SCAPER: variants seen among roughly 807,000 people sequenced by gnomAD.
The protein encoded by SCAPER is S-phase cyclin A associated protein in the ER.
SCAPER carries 98 observed loss-of-function variants against 182.2 expected under a neutral mutation model. The ratio of observed to expected loss-of-function variants is 0.54; its 90% CI spans 0.46 to 0.64. SCAPER has a LOEUF of 0.64. Among genes scored for constraint, SCAPER ranks in the 30% least tolerant of loss-of-function variants. The probability of loss-of-function intolerance (pLI) is 0.00; values close to 1 mark genes in which losing one functional copy is unlikely to be tolerated. For synonymous variants in SCAPER, 605 were observed against 564.6 expected (o/e 1.07, Z -1.01); for missense variants, 1,432 against 1,690.0 (o/e 0.85, Z 2.68).
At chr15:76,896,275 T>C (rs1372155041) in intron 1 of SCAPER, among the ~76,000 whole-genome samples, 1 of 151,608 alleles carries the variant, frequency 6.6e-6, no homozygotes, top group Non-Finnish European at 1.5e-5. Context: ...GAGGCTGAGG[T>C]GGGAGGATCA....
chr15:76,750,890 G>C (rs2062047081), intron 15 of SCAPER, among the ~76,000 whole-genome samples: 1 of 151,724 alleles, frequency 6.6e-6, no homozygotes, highest in East Asian at 1.9e-4. Context: ...GTTCAAGCCA[G>C]AAAAATTAGG....
intron 17 of SCAPER, among the ~76,000 whole-genome samples, chr15:76,725,642 A>G (rs2060539906): frequency 6.6e-6 from 1 of 152,116 alleles, no homozygotes; most frequent in Non-Finnish European, 1.5e-5. Flanking sequence ...ATAAAAACAG[A>G]CATGTATATA....
intron 1 of SCAPER, chr15:76,904,729 C>T (rs1053289636): frequency 1.3e-5 from 2 of 152,286 alleles, no homozygotes; most frequent in Admixed American, 1.3e-4. Flanking sequence ...TTCGCCCCTC[C>T]AGGCCTCAGC....
At chr15:76,798,641 G>C (rs1032418630) in intron 7 of SCAPER, among the ~76,000 whole-genome samples, 18 of 152,100 alleles carry the variant, frequency 1.2e-4, no homozygotes, top group Non-Finnish European at 2.5e-4. Context: ...GCCAAAGACA[G>C]ACAATCTTGA....
At chr15:76,663,441 G>A (rs2056345139) in intron 21 of SCAPER, among the ~76,000 whole-genome samples, 1 of 152,046 alleles carries the variant, frequency 6.6e-6, no homozygotes, top group Non-Finnish European at 1.5e-5. Context: ...CTTTAAAGGA[G>A]CTTTATTTAT....
intron 27 of SCAPER, among the ~76,000 whole-genome samples, chr15:76,399,882 G>C (rs1014334350): frequency 5.9e-5 from 9 of 151,952 alleles, no homozygotes; most frequent in Non-Finnish European, 7.4e-5. Flanking sequence ...GCAAGCGCCT[G>C]TAATCCCAGC....
In SCAPER at chr15:76,702,987, G is replaced by T; in HGVS notation, c.2263C>A (p.Arg755=). The change falls in exon 19 of 32, where the codon CGA becomes AGA. Residue 755 remains arginine (R), a synonymous_variant. Transcript: ENST00000563290. ...TGTTCAATCTGTTCCATGTGCCTTCGAATACTTTCATCATGCTGTAGATGA... is the reference window on the plus strand; with the variant it reads ...TGTTCAATCTGTTCCATGTGCCTTCTAATACTTTCATCATGCTGTAGATGA... ...KIQLKHDESI[R]RHMEQIEQRK... is the part of the protein sequence containing the mutation. The T allele has an allele frequency of 6.4e-7, 1 of 1,574,562 alleles. No homozygotes were observed.
chr15:76,579,082 C>T lies in SCAPER; in HGVS notation c.2712-4798G>A, dbSNP rs560764877. 1.6e-4 allele frequency among the ~76,000 whole-genome samples: 23 copies of T among 140,708 alleles called. No individual in the cohort carries two copies. In the South Asian group the frequency reaches 2.1e-3, roughly 13 times the overall value. The allele number at this position is 140,708 out of a possible 152,430, so 92.3% of individuals were successfully genotyped here. A position where few individuals can be genotyped will look rare whatever the true frequency, so the allele number is the denominator to read the frequency against. ...GAGATCGAGACAATCCTGGCTAACA[C>T]GGTGAAACCCTGCCTTGACTAAAAA... On this transcript the variant is annotated intron_variant, in intron 22 of 31. Transcript: ENST00000563290.
At chr15:76,763,357 G>GA (rs1237157174) in intron 14 of SCAPER, among the ~76,000 whole-genome samples, 2 of 147,842 alleles carry the variant, frequency 1.4e-5, no homozygotes, top group Non-Finnish European at 3.0e-5. Context: ...GGGGGGTGGT[G>GA]GGGGGGCAGG....
intron 5 of SCAPER, among the ~76,000 whole-genome samples, chr15:76,818,507 G>C (rs1042592812): frequency 6.6e-6 from 1 of 152,126 alleles, no homozygotes; most frequent in Non-Finnish European, 1.5e-5. Flanking sequence ...GAGAGAATAA[G>C]ACAAGCCACA....
chr15:76,800,160 T>TTTTTTTTTTTTTTTTTTTTTTTTTGACGG, intron 7 of SCAPER, 88 bp downstream of exon 7: 1 of 721,190 alleles, frequency 1.4e-6, no homozygotes, highest in Non-Finnish European at 2.3e-6. Flanking sequence ...TGGATATTTT[T>TTTTTTTTTTTTTTTTTTTTTTTTTGACGG]ATAGTAGAAT....
intron 29 of SCAPER, among the ~76,000 whole-genome samples, chr15:76,358,937 G>C (rs2141704862): frequency 6.6e-6 from 1 of 152,300 alleles, no homozygotes; most frequent in African/African-American, 2.4e-5. Flanking sequence ...GCAGCCCTGG[G>C]CTCTAGGTCT....
intron 23 of SCAPER, among the ~76,000 whole-genome samples, chr15:76,535,143 T>G (rs1172541522): frequency 6.6e-6 from 1 of 152,050 alleles, no homozygotes; most frequent in Non-Finnish European, 1.5e-5. Flanking sequence ...GAATTTAACA[T>G]TTATGATTAC....
At chr15:76,492,919 GTA>G (rs2052468110) in intron 24 of SCAPER, among the ~76,000 whole-genome samples, 1 of 147,598 alleles carries the variant, frequency 6.8e-6, no homozygotes, top group Non-Finnish European at 1.5e-5. Flanking sequence ...TTGGATCAGA[GTA>G]TGAGTTGTGG....
chr15:76,738,934 A>G (rs2061415442), intron 15 of SCAPER, among the ~76,000 whole-genome samples: 1 of 152,194 alleles, frequency 6.6e-6, no homozygotes, highest in Non-Finnish European at 1.5e-5. Flanking sequence ...CAAACATTCA[A>G]TTTTTTAAAA....
chr15:76,678,938 T>C (rs1466637405), intron 20 of SCAPER, among the ~76,000 whole-genome samples: 2 of 152,166 alleles, frequency 1.3e-5, no homozygotes, highest in Non-Finnish European at 2.9e-5. Context: ...GCCAGAGTTT[T>C]ATTCAGACTA....
chr15:76,860,221 A>C (rs1466828327), intron 3 of SCAPER, among the ~76,000 whole-genome samples: 1 of 152,152 alleles, frequency 6.6e-6, no homozygotes, highest in African/African-American at 2.4e-5. Flanking sequence ...GGAAAATGAG[A>C]GAATACAATT....
chr15:76,666,732 A>G (rs1345756548), intron 20 of SCAPER, among the ~76,000 whole-genome samples: 1 of 152,144 alleles, frequency 6.6e-6, no homozygotes, highest in Non-Finnish European at 1.5e-5. Context: ...TCATCTCCTA[A>G]CCCCATCTCT....
rs71143320 is a variant in SCAPER at position 76,389,500 on chromosome 15, CAAAAAAAAAAA to C, written c.3468-7896_3468-7886del. 1.1e-4 allele frequency among the ~76,000 whole-genome samples: 3 copies of C among 28,058 alleles called. No homozygotes were observed. In the Admixed American group the frequency reaches 2.1e-3, roughly 20 times the overall value. The allele number at this position is 28,058 out of a possible 152,430, so 18.4% of individuals were successfully genotyped here. ...TGGGAAACAAAGCAAGACTCCGTCTCAAAAAAAAAAAAAAAAAAAAAAAAAAAAAAAGGCCG... is the reference window on the plus strand; with the variant it reads ...TGGGAAACAAAGCAAGACTCCGTCTCAAAAAAAAAAAAAAAAAAAAGGCCG... On this transcript the variant is annotated intron_variant, in intron 27 of 31. Transcript: ENST00000563290.
Sources: gnomAD v4.1 joint callset for allele counts (sites outside exome capture counted in the v4.1 genomes callset) on GRCh38, gnomAD v4.1.1 for gene constraint, MANE v1.5 for transcripts, NCBI Gene and HGNC (gene_info 2026-07-23, HGNC 2026-07-21) for gene names.